The following SCN3A variants were observed in gnomAD, a reference collection of about 807,000 sequenced individuals.
The protein encoded by SCN3A is sodium channel protein type 3 subunit alpha.
A neutral mutation model predicts 187.6 loss-of-function variants in SCN3A; 60 were observed. That is an observed-to-expected ratio of 0.32 (90% CI 0.26 to 0.40). The LOEUF (loss-of-function observed/expected upper bound fraction) is 0.40. Ranked by LOEUF, SCN3A falls within the 10% of genes least tolerant of loss-of-function variation. SCN3A has a pLI of 1.00. For synonymous variants in SCN3A, 788 were observed against 829.2 expected (o/e 0.95, Z 0.85); for missense variants, 1,601 against 2,428.2 (o/e 0.66, Z 7.16).
chr2:165,188,206 T>A (rs1432786732), intron 1 of SCN3A, among the ~76,000 whole-genome samples: 1 of 152,176 alleles, frequency 6.6e-6, no homozygotes, highest in Non-Finnish European at 1.5e-5. Context: ...TCTTTCTTTT[T>A]CCTACCCTTA....
rs1202337976 is a variant in SCN3A, at chr2:165,140,584, C to G, written c.2019+67G>C. ...AAGCAGGACGGTATGACAGCCTAAA[C>G]TGTCCAGGCTTTGATTATTTCAAAT... is the stretch of plus-strand genomic sequence containing the variant. On this transcript the variant is annotated intron_variant, in intron 13 of 27. Coordinates refer to ENST00000283254, the MANE Select transcript of SCN3A (RefSeq NM_006922.4). This position sits in a 1 kb window ranked among gnomAD's most constrained non-coding sequence, Gnocchi z 4.2. The G allele has an allele frequency of 1.4e-6, 2 of 1,415,772 alleles. No homozygotes were observed. The highest frequency in any genetic ancestry group is 2.0e-6 in the Non-Finnish European group (2 of 1,000,580). The allele number at this position is 1,415,772 out of a possible 1,614,324, so 87.7% of individuals were successfully genotyped here.
chr2:165,150,699 A>G (rs1479381716), intron 11 of SCN3A, among the ~76,000 whole-genome samples: 1 of 152,158 alleles, frequency 6.6e-6, no homozygotes, highest in Non-Finnish European at 1.5e-5. Context: ...TAAGTTCAAA[A>G]AGACTATACT....
chr2:165,091,465 T>C, intron 27 of SCN3A, 120 bp from the exon 28 acceptor site: 1 of 1,220,686 alleles, frequency 8.2e-7, no homozygotes, highest in Non-Finnish European at 1.2e-6. Flanking sequence ...TTATTAAATA[T>C]TTGGATCCAC....
chr2:165,149,026 C>T (rs1164020228), intron 11 of SCN3A, among the ~76,000 whole-genome samples: 1 of 151,950 alleles, frequency 6.6e-6, no homozygotes, highest in African/African-American at 2.4e-5. Flanking sequence ...CAAATAAAGT[C>T]CTTAATTCTC....
At chr2:165,157,690 A>G (rs972307825) in intron 9 of SCN3A, among the ~76,000 whole-genome samples, 1 of 152,210 alleles carries the variant, frequency 6.6e-6, no homozygotes, top group Non-Finnish European at 1.5e-5. Context: ...TTAAGTATAT[A>G]CCAAAATTAT....
At chr2:165,141,861 AAAAG>A (rs1419075516) in intron 12 of SCN3A, among the ~76,000 whole-genome samples, 1 of 152,230 alleles carries the variant, frequency 6.6e-6, no homozygotes, top group Non-Finnish European at 1.5e-5. Context: ...AATTATATTA[AAAAG>A]AAAGAGACAA....
At position 165,138,115 on chromosome 2, in the gene SCN3A, G is replaced by A. The variant is rs199864134; in HGVS notation, c.2155C>T (p.Leu719Phe). 3.1e-6 allele frequency: 5 copies of A among 1,606,158 alleles called. No individual in the cohort carries two copies. The African/African-American group carries it at 5.3e-5, about 17-fold the overall frequency. ...ASILTNTMEELEESRQKCPPC... is the reference protein window; with the variant it reads ...ASILTNTMEEFEESRQKCPPC... ...GGACATTTCTGTCTAGATTCTTCAAGTTCTGGAGGGACAATAACAAGGAAG... is the reference window on the plus strand; with the variant it reads ...GGACATTTCTGTCTAGATTCTTCAAATTCTGGAGGGACAATAACAAGGAAG... The change falls in exon 15 of 28, where the codon CTT (leucine) becomes TTT (phenylalanine). Residue 719 changes from leucine to phenylalanine, a missense_variant and splice_region_variant. Physicochemically the swap from Leu to Phe is conservative, Grantham distance 22 (BLOSUM62 0). Transcript: ENST00000283254.
intron 4 of SCN3A, among the ~76,000 whole-genome samples, chr2:165,170,126 A>C (rs1690015519): frequency 6.6e-6 from 1 of 151,940 alleles, no homozygotes; most frequent in Non-Finnish European, 1.5e-5. Flanking sequence ...AATCTTTAGC[A>C]ATGGTTATAT....
intron 1 of SCN3A, among the ~76,000 whole-genome samples, chr2:165,192,999 C>T (rs1691708701): frequency 6.6e-6 from 1 of 152,104 alleles, no homozygotes; most frequent in African/African-American, 2.4e-5. Flanking sequence ...ATATTTAGGA[C>T]ATATCATCTT....
At chr2:165,109,623 C>A (rs1424924244) in intron 21 of SCN3A, among the ~76,000 whole-genome samples, 1 of 152,096 alleles carries the variant, frequency 6.6e-6, no homozygotes, top group African/African-American at 2.4e-5. Context: ...GGTCTAAAAT[C>A]TCCACTTTCT....
intron 12 of SCN3A, 145 bp downstream of exon 12, chr2:165,146,589 CTATTA>C (rs1240763923): frequency 4.0e-6 from 3 of 755,752 alleles, no homozygotes; most frequent in African/African-American, 3.6e-5. Context: ...TGAAGACAAT[CTATTA>C]TAAGAATTTA....
intron 15 of SCN3A, among the ~76,000 whole-genome samples, chr2:165,134,456 G>T (rs1352905726): frequency 6.6e-6 from 1 of 152,004 alleles, no homozygotes; most frequent in African/African-American, 2.4e-5. Context: ...AAGAAATCTT[G>T]ATCCACCCTT....
intron 26 of SCN3A, chr2:165,093,160 A>G (rs1685196879): frequency 6.6e-6 from 1 of 152,268 alleles, no homozygotes; most frequent in Non-Finnish European, 1.5e-5. Context: ...AATAGTGACT[A>G]CTAATAACAA....
In SCN3A at chr2:165,128,041, T is replaced by C. The variant is rs1687098630; in HGVS notation, c.2983A>G (p.Thr995Ala). The C allele has an allele frequency of 5.0e-6, 8 of 1,613,684 alleles. No homozygotes were observed. Among genetic ancestry groups the C allele is most frequent in the Non-Finnish European group, 6.8e-6 (8 of 1,179,928 alleles). ...SSFSSDNLAA[T>A]DDDNEMNNLQ... ...TTATTCATTTCATTGTCATCATCAG[T>C]AGCAGCAAGGTTGTCTGAGCTAAAT... The change falls in exon 18 of 28, where the codon ACT (threonine) becomes GCT (alanine). Residue 995 changes from threonine to alanine, a missense_variant. This residue lies in a region of SCN3A where 267 missense variants were observed against 313.2 expected (regional missense o/e 0.85). Coordinates refer to ENST00000283254, the MANE Select transcript of SCN3A (RefSeq NM_006922.4).
At chr2:165,093,974 T>C in intron 26 of SCN3A, 1 of 205,876 alleles carries the variant, frequency 4.9e-6, no homozygotes, top group African/African-American at 2.3e-5. Context: ...ATGACACCTT[T>C]TCCCTTTCTA....
intron 12 of SCN3A, among the ~76,000 whole-genome samples, chr2:165,143,503 G>A (rs1688140399): frequency 6.6e-6 from 1 of 152,152 alleles, no homozygotes; most frequent in African/African-American, 2.4e-5. Flanking sequence ...TAATGGGTGT[G>A]AGCGCAGCTT....
At chr2:165,149,476 C>T (rs1688558069) in intron 11 of SCN3A, among the ~76,000 whole-genome samples, 1 of 152,156 alleles carries the variant, frequency 6.6e-6, no homozygotes, top group African/African-American at 2.4e-5. Context: ...CACCCGGCCA[C>T]AAACTTTGTT....
intron 10 of SCN3A, 70 bp from the exon 11 acceptor site, chr2:165,154,728 CAG>C: frequency 7.1e-7 from 1 of 1,418,016 alleles, no homozygotes; most frequent in Non-Finnish European, 1.0e-6. Context: ...CTGATTACCA[CAG>C]TTAGATAGTC....
At chr2:165,109,982 T>C (rs1398713389) in intron 21 of SCN3A, among the ~76,000 whole-genome samples, 2 of 151,886 alleles carry the variant, frequency 1.3e-5, no homozygotes, top group Non-Finnish European at 2.9e-5. Flanking sequence ...TTCTGCTTCT[T>C]CTCCTCTCTT....
Sources: gnomAD v4.1 joint callset for allele counts (sites outside exome capture counted in the v4.1 genomes callset) on GRCh38, gnomAD v4.1.1 for gene constraint, gnomAD v4.1.1 regional missense constraint, Gnocchi (gnomAD v3.1) non-coding constraint, MANE v1.5 for transcripts, NCBI Gene and HGNC (gene_info 2026-07-23, HGNC 2026-07-21) for gene names.